The following ZBTB20 variants were observed in gnomAD, a reference collection of about 807,000 sequenced individuals.
ZBTB20 encodes the protein zinc finger and BTB domain containing 20.
Under a neutral mutation model 56.9 loss-of-function variants are expected in ZBTB20, and 9 were observed. The observed-to-expected ratio is 0.16, with a 90% CI of 0.10 to 0.28. ZBTB20 has a LOEUF of 0.28. Among genes scored for constraint, ZBTB20 ranks in the 10% least tolerant of loss-of-function variants. The probability of loss-of-function intolerance (pLI) is 1.00; values close to 1 mark genes in which losing one functional copy is unlikely to be tolerated. For missense variants in ZBTB20, 655 were observed against 1,003.0 expected, an observed-to-expected ratio of 0.65 and a Z score of 4.69; for synonymous variants, 417 against 420.7, an observed-to-expected ratio of 0.99 and a Z score of 0.11.
At chr3:115,106,158 C>T (rs1008438202) in intron 1 of ZBTB20, among the ~76,000 whole-genome samples, 7 of 151,566 alleles carry the variant, frequency 4.6e-5, no homozygotes, top group East Asian at 3.9e-4. Context: ...GTAATTGCTA[C>T]GCTAAGTAAA....
chr3:114,348,095 A>G (rs1031618410), intron 11 of ZBTB20, among the ~76,000 whole-genome samples: 109 of 152,356 alleles, frequency 7.2e-4, no homozygotes, highest in African/African-American at 2.4e-3. Flanking sequence ...TTGGTAGTAC[A>G]TTGAAAATTT....
chr3:114,894,043 A>AACT (rs1209223886), intron 4 of ZBTB20, among the ~76,000 whole-genome samples: 1 of 152,200 alleles, frequency 6.6e-6, no homozygotes, highest in Non-Finnish European at 1.5e-5. Context: ...CAACAACAAC[A>AACT]ACAACAAAAC....
intron 2 of ZBTB20, among the ~76,000 whole-genome samples, chr3:114,976,961 C>T (rs1340187464): frequency 1.3e-5 from 2 of 151,762 alleles, no homozygotes; most frequent in Non-Finnish European, 2.9e-5. Flanking sequence ...ATACCTGAAT[C>T]AATCAAACTC....
intron 4 of ZBTB20, among the ~76,000 whole-genome samples, chr3:114,896,638 T>C (rs2074892500): frequency 6.6e-6 from 1 of 152,036 alleles, no homozygotes; most frequent in South Asian, 2.1e-4. Context: ...TTAATGGGTA[T>C]AGTATTTTAG....
intron 5 of ZBTB20, among the ~76,000 whole-genome samples, chr3:114,748,334 C>CTTTCTTTCTTTTCTTTCTTTCTTCT (rs762103705): frequency 1.7e-5 from 1 of 57,164 alleles, no homozygotes; most frequent in African/African-American, 6.0e-5. Context: ...TTCTTTCTTT[C>CTTTCTTTCTTTTCTTTCTTTCTTCT]TTCTTTCTTT....
chr3:114,601,330 A>C (rs946169442), intron 6 of ZBTB20, among the ~76,000 whole-genome samples: 1 of 152,080 alleles, frequency 6.6e-6, no homozygotes, highest in African/African-American at 2.4e-5. Flanking sequence ...TCCTTAAGAC[A>C]AAACTCTCTA....
At chr3:114,918,459 G>C (rs1181994674) in intron 3 of ZBTB20, among the ~76,000 whole-genome samples, 2 of 151,956 alleles carry the variant, frequency 1.3e-5, no homozygotes, top group African/African-American at 4.8e-5. Context: ...CCACAGCTGG[G>C]AATGTTCTGG....
chr3:114,353,471 C>T (rs1052001532), intron 10 of ZBTB20, among the ~76,000 whole-genome samples: 3 of 152,198 alleles, frequency 2.0e-5, no homozygotes, highest in Non-Finnish European at 2.9e-5. Flanking sequence ...CATTCTTTCT[C>T]GTTCTGACTC....
chr3:114,799,148 T>G (rs1385057366), intron 5 of ZBTB20, among the ~76,000 whole-genome samples: 1 of 151,934 alleles, frequency 6.6e-6, no homozygotes, highest in Non-Finnish European at 1.5e-5. Context: ...CAATACTTAT[T>G]GTACCACTTG....
At chr3:114,796,012 G>T (rs539705360) in intron 5 of ZBTB20, among the ~76,000 whole-genome samples, 1 of 152,020 alleles carries the variant, frequency 6.6e-6, no homozygotes, top group South Asian at 2.1e-4. Flanking sequence ...GATGAGTATT[G>T]CATTAGTTTC....
At chr3:114,843,008 T>A (rs1365687447) in intron 4 of ZBTB20, among the ~76,000 whole-genome samples, 2 of 152,128 alleles carry the variant, frequency 1.3e-5, no homozygotes, top group Non-Finnish European at 2.9e-5. Flanking sequence ...TCATAAGATT[T>A]GATGCTTTTA....
At chr3:115,145,463 A>G (rs1023182278) in intron 1 of ZBTB20, among the ~76,000 whole-genome samples, 1 of 152,188 alleles carries the variant, frequency 6.6e-6, no homozygotes, top group Admixed American at 6.5e-5. Context: ...ACATTCTCCC[A>G]CATACTTTAA....
rs144750687 is a variant in ZBTB20 at position 115,011,332 on chromosome 3, AAAG to A, written c.-506-36919_-506-36917del. Among the ~76,000 whole-genome samples the A allele has an allele frequency of 4.6e-3, 698 of 151,980 alleles. 2 individuals are homozygous for A. Among genetic ancestry groups the A allele is most frequent in the Non-Finnish European group, 8.2e-3 (556 of 67,878 alleles). ...ATAGAATGCCAAGCAGATTTAACCCAAAGAAGACTACCTCAGGGCATTTAATAA... is the reference window on the plus strand; with the variant it reads ...ATAGAATGCCAAGCAGATTTAACCCAAAGACTACCTCAGGGCATTTAATAA... On this transcript the variant is annotated intron_variant, in intron 2 of 11. Coordinates refer to ENST00000675478, the MANE Select transcript of ZBTB20 (RefSeq NM_001348800.3).
chr3:114,846,348 T>G (rs2074704052), intron 4 of ZBTB20, among the ~76,000 whole-genome samples: 1 of 152,198 alleles, frequency 6.6e-6, no homozygotes, highest in East Asian at 1.9e-4. Context: ...GTTTGATATC[T>G]ACTTTTCCAT....
At chr3:114,903,018 A>G (rs1281449019) in intron 3 of ZBTB20, among the ~76,000 whole-genome samples, 1 of 152,158 alleles carries the variant, frequency 6.6e-6, no homozygotes, top group Non-Finnish European at 1.5e-5. Flanking sequence ...TGTGAGGTCA[A>G]TGGGGTCAAT....
chr3:115,002,303 T>A (rs776933407), intron 2 of ZBTB20, among the ~76,000 whole-genome samples: 4 of 151,574 alleles, frequency 2.6e-5, no homozygotes, highest in Non-Finnish European at 5.9e-5. Context: ...ATCTAGTTGA[T>A]CTTGGGTTTG....
intron 2 of ZBTB20, among the ~76,000 whole-genome samples, chr3:114,992,024 C>T (rs894608814): frequency 4.6e-5 from 7 of 151,706 alleles, no homozygotes; most frequent in Non-Finnish European, 8.8e-5. Context: ...CTCTTTCTCT[C>T]CTAAACTTTT....
intron 7 of ZBTB20, among the ~76,000 whole-genome samples, chr3:114,457,315 G>A (rs1321289863): frequency 6.6e-6 from 1 of 152,130 alleles, no homozygotes; most frequent in African/African-American, 2.4e-5. Flanking sequence ...GATGACATGA[G>A]GAAACATATA....
rs957480487 is a variant in ZBTB20, at chr3:114,480,965, T to C, written c.-255+19387A>G. On this transcript the variant is annotated intron_variant, in intron 7 of 11. Coordinates refer to ENST00000675478, the MANE Select transcript of ZBTB20 (RefSeq NM_001348800.3). ...AGGACAAGTTTAGGAATATTGTTTC[T>C]AGCATACTAATAGATGAAGTTAGTT... 3.3e-5 allele frequency among the ~76,000 whole-genome samples: 5 copies of C among 152,192 alleles called. 1 individual carries two copies. The highest frequency in any genetic ancestry group is 3.3e-4 in the Admixed American group (5 of 15,274).
Sources: gnomAD v4.1 joint callset for allele counts (sites outside exome capture counted in the v4.1 genomes callset) on GRCh38, gnomAD v4.1.1 for gene constraint, MANE v1.5 for transcripts, NCBI Gene and HGNC (gene_info 2026-07-23, HGNC 2026-07-21) for gene names.